The following PPP1R12A variants were observed in gnomAD, a reference collection of about 807,000 sequenced individuals.
PPP1R12A encodes the protein protein phosphatase 1 regulatory subunit 12A, also known as myosin binding subunit.
PPP1R12A carries 19 observed loss-of-function variants against 139.6 expected under a neutral mutation model. The observed-to-expected ratio is 0.14, with a 90% CI of 0.09 to 0.20. The LOEUF (loss-of-function observed/expected upper bound fraction) is 0.20. PPP1R12A is among the 10% of genes least tolerant of loss of function. The probability of loss-of-function intolerance (pLI) is 1.00; values close to 1 mark genes in which losing one functional copy is unlikely to be tolerated. For synonymous variants in PPP1R12A, 427 were observed against 420.6 expected, an observed-to-expected ratio of 1.02 and a Z score of -0.19; for missense variants, 925 against 1,211.5, an observed-to-expected ratio of 0.76 and a Z score of 3.51.
intron 2 of PPP1R12A, among the ~76,000 whole-genome samples, chr12:79,861,704 G>C (rs1255261787): frequency 6.6e-6 from 1 of 152,176 alleles, no homozygotes; most frequent in African/African-American, 2.4e-5. Context: ...CTCACTGCTA[G>C]CACAGCAGTC....
chr12:79,927,828 T>C (rs764849201), intron 1 of PPP1R12A, among the ~76,000 whole-genome samples: 4 of 152,234 alleles, frequency 2.6e-5, no homozygotes, highest in Non-Finnish European at 5.9e-5. Context: ...AAACTTATAA[T>C]TGTTGGAGTT....
chr12:79,899,236 ATATATATATAT>A (rs1885413834), intron 1 of PPP1R12A, among the ~76,000 whole-genome samples: 7 of 3,618 alleles, frequency 1.9e-3, no homozygotes, highest in East Asian at 9.1e-3. Flanking sequence ...TCTTAAAAAT[ATATATATATAT>A]ATATATATAT....
chr12:79,919,339 G>A (rs959324349), intron 1 of PPP1R12A, among the ~76,000 whole-genome samples: 178 of 151,806 alleles, frequency 1.2e-3, no homozygotes, highest in African/African-American at 4.1e-3. Flanking sequence ...GGCGGATCAC[G>A]AGGTCAGGAG....
intron 5 of PPP1R12A, among the ~76,000 whole-genome samples, chr12:79,824,829 G>A (rs2137126264): frequency 6.6e-6 from 1 of 152,130 alleles, no homozygotes; most frequent in East Asian, 1.9e-4. Context: ...ATGAGAACAT[G>A]AAAACTTTAT....
chr12:79,921,828 G>T (rs949617928), intron 1 of PPP1R12A, among the ~76,000 whole-genome samples: 3 of 152,108 alleles, frequency 2.0e-5, no homozygotes, highest in African/African-American at 7.2e-5. Context: ...TCAAACATTA[G>T]AACTAAACCT....
At chr12:79,799,209 C>T (rs143831971) in intron 14 of PPP1R12A, among the ~76,000 whole-genome samples, 70 of 152,060 alleles carry the variant, frequency 4.6e-4, no homozygotes, top group Middle Eastern at 3.4e-3. Context: ...AGTGCAGTGG[C>T]GCGATCTCAG....
In PPP1R12A at chr12:79,774,105, G is replaced by C. The variant is rs901876889; in HGVS notation, c.*1824C>G. The C allele has an allele frequency of 1.2e-4, 19 of 152,084 alleles. No homozygotes were observed. Among genetic ancestry groups the C allele is most frequent in the African/African-American group, 4.6e-4 (19 of 41,410 alleles). 9.4% of individuals were successfully genotyped at this position (152,084 alleles called of 1,614,324 possible). ...TGTTGTGCAACCAGAACATGTTGCA[G>C]TCACTCAAACTGATCAGTTATCTGT... On this transcript the variant is annotated 3_prime_UTR_variant, in exon 25 of 25. Transcript: ENST00000450142.
intron 5 of PPP1R12A, 58 bp from the exon 6 acceptor site, chr12:79,822,248 C>T (rs1876210861): frequency 1.7e-6 from 2 of 1,196,190 alleles, no homozygotes; most frequent in Non-Finnish European, 2.4e-6. Flanking sequence ...CATAAAATGC[C>T]TTCAGTAATT....
intron 1 of PPP1R12A, among the ~76,000 whole-genome samples, chr12:79,931,381 A>G (rs1001987401): frequency 6.6e-6 from 1 of 152,168 alleles, no homozygotes; most frequent in Non-Finnish European, 1.5e-5. Flanking sequence ...ACCCCAAAAA[A>G]TGGAAATGAG....
At position 79,788,783 on chromosome 12, in the gene PPP1R12A, T is replaced by G. The variant is rs1203696050; in HGVS notation, c.2667A>C (p.Arg889Ser). The change falls in exon 21 of 25, where the codon AGA becomes AGC. Residue 889 changes from arginine to serine, a missense_variant and splice_region_variant. Arg to Ser is a moderately radical substitution (Grantham distance 110). This residue lies in a region of PPP1R12A where 315 missense variants were observed against 363.4 expected (regional missense o/e 0.87). Transcript: ENST00000450142. ...KKETQTDSISRYETSSTSAGD... is the reference protein window; with the variant it reads ...KKETQTDSISSYETSSTSAGD... ...CAGCTGATGTAGAACTGGTTTCATA[T>G]CTTCAAAAGATTAATTTAAATAAAA... 1.1e-5 allele frequency: 18 copies of G among 1,589,856 alleles called. No individual in the cohort carries two copies. Among genetic ancestry groups the G allele is most frequent in the Non-Finnish European group, 1.5e-5 (18 of 1,168,354 alleles).
At chr12:79,841,276 A>G (rs1009994820) in intron 3 of PPP1R12A, among the ~76,000 whole-genome samples, 1 of 152,152 alleles carries the variant, frequency 6.6e-6, no homozygotes, top group Non-Finnish European at 1.5e-5. Context: ...TTTTCTGTCC[A>G]CCAGTTCCTT....
intron 9 of PPP1R12A, among the ~76,000 whole-genome samples, chr12:79,811,520 G>A (rs1040227986): frequency 3.3e-5 from 5 of 152,142 alleles, no homozygotes; most frequent in Non-Finnish European, 7.3e-5. Flanking sequence ...GTGGCACTGT[G>A]AAAAAATCCT....
intron 1 of PPP1R12A, among the ~76,000 whole-genome samples, chr12:79,916,761 A>T (rs1387026484): frequency 6.6e-6 from 1 of 152,202 alleles, no homozygotes; most frequent in Admixed American, 6.5e-5. Context: ...AGAAATAAAT[A>T]CTGAACCATC....
intron 1 of PPP1R12A, among the ~76,000 whole-genome samples, chr12:79,880,272 C>G (rs966258771): frequency 1.3e-5 from 2 of 152,010 alleles, no homozygotes; most frequent in African/African-American, 4.8e-5. Flanking sequence ...AGGGTCCATA[C>G]GGGTCCCTAC....
At chr12:79,797,080 A>C in intron 16 of PPP1R12A, 115 bp downstream of exon 16, 1 of 1,358,372 alleles carries the variant, frequency 7.4e-7, no homozygotes, top group Non-Finnish European at 1.0e-6. Flanking sequence ...TTTCCAGCTA[A>C]AATCCTTTAC....
intron 14 of PPP1R12A, among the ~76,000 whole-genome samples, chr12:79,804,099 A>G (rs1873530913): frequency 6.6e-6 from 1 of 152,106 alleles, no homozygotes; most frequent in Non-Finnish European, 1.5e-5. Flanking sequence ...ACTCAAAGAT[A>G]ATTCTAACCT....
At chr12:79,807,916 A>G (rs1278539578) in intron 11 of PPP1R12A, among the ~76,000 whole-genome samples, 1 of 151,848 alleles carries the variant, frequency 6.6e-6, no homozygotes, top group Non-Finnish European at 1.5e-5. Flanking sequence ...AGGTGCCTGT[A>G]ATCCCAGCCA....
In PPP1R12A at chr12:79,845,397, T is replaced by C. The variant is rs749928278; in HGVS notation, c.392A>G (p.His131Arg). ...IAEFLIGQGA[H>R]VGAVNSEGDT... ...TCCTTCACTGTTGACAGCCCCTACATGTGCTCCTTGACCAATCAAAAACCT... is the reference window on the plus strand; with the variant it reads ...TCCTTCACTGTTGACAGCCCCTACACGTGCTCCTTGACCAATCAAAAACCT... The change falls in exon 3 of 25, where the codon CAT becomes CGT. Residue 131 changes from histidine to arginine, a missense_variant. His to Arg is a conservative substitution (Grantham distance 29, BLOSUM62 0). Around this residue, in one of 4 missense-constraint regions of PPP1R12A, gnomAD observed 199 missense variants for 352.4 expected, o/e 0.56. Coordinates refer to ENST00000450142, the MANE Select transcript of PPP1R12A (RefSeq NM_002480.3). The C allele has an allele frequency of 6.2e-7, 1 of 1,613,300 alleles. No individual in the cohort carries two copies. The highest frequency in any genetic ancestry group is 1.1e-5 in the South Asian group (1 of 91,006).
chr12:79,855,014 A>G (rs188452095), intron 2 of PPP1R12A, among the ~76,000 whole-genome samples: 1 of 151,834 alleles, frequency 6.6e-6, no homozygotes, highest in African/African-American at 2.4e-5. Context: ...TTTGAGATGG[A>G]CCCTTGCTCT....
Sources: gnomAD v4.1 joint callset for allele counts (sites outside exome capture counted in the v4.1 genomes callset) on GRCh38, gnomAD v4.1.1 for gene constraint, gnomAD v4.1.1 regional missense constraint, MANE v1.5 for transcripts, NCBI Gene and HGNC (gene_info 2026-07-23, HGNC 2026-07-21) for gene names.